CDC14B: variants seen among roughly 807,000 people sequenced by gnomAD.
CDC14B encodes the protein cell division cycle 14B.
In CDC14B, 22 loss-of-function variants were observed where a neutral mutation model predicts 64.2. The observed-to-expected ratio is 0.34, with a 90% CI of 0.24 to 0.49. CDC14B has a LOEUF of 0.49. Among genes scored for constraint, CDC14B ranks in the 20% least tolerant of loss-of-function variants. The pLI is 0.99. For missense variants in CDC14B, 498 were observed against 629.9 expected (o/e 0.79, Z 2.24); for synonymous variants, 191 against 215.8 (o/e 0.89, Z 1.01).
At chr9:96,602,607 T>C (rs1045619897) in intron 1 of CDC14B, among the ~76,000 whole-genome samples, 2 of 151,668 alleles carry the variant, frequency 1.3e-5, no homozygotes, top group African/African-American at 4.9e-5. Flanking sequence ...ATGAGACTTA[T>C]TCACTATCAT....
rs1364271166 is a variant in CDC14B, at chr9:96,502,071, C to G, written c.*1682G>C. On this transcript the variant is annotated 3_prime_UTR_variant, in exon 14 of 14. Transcript: ENST00000375241. Reference sequence around the variant, plus strand: ...GGAATGTTCCTCCTCCCACCCAAATCTTATTGAAGAGTAGTCTGCCCACAG... The same window carrying G: ...GGAATGTTCCTCCTCCCACCCAAATGTTATTGAAGAGTAGTCTGCCCACAG... 1 of 152,166 alleles carries G rather than the reference C, an allele frequency of 6.6e-6. No individual in the cohort carries two copies. The highest frequency in any genetic ancestry group is 6.5e-5 in the Admixed American group (1 of 15,280). 9.4% of individuals were successfully genotyped at this position (152,166 alleles called of 1,614,324 possible).
intron 1 of CDC14B, among the ~76,000 whole-genome samples, chr9:96,581,005 G>A (rs929265841): frequency 6.6e-6 from 1 of 152,158 alleles, no homozygotes; most frequent in Non-Finnish European, 1.5e-5. Flanking sequence ...GCAGAGGCGG[G>A]TGGATCACAA....
At chr9:96,524,480 A>C (rs1837268774) in intron 9 of CDC14B, among the ~76,000 whole-genome samples, 1 of 152,210 alleles carries the variant, frequency 6.6e-6, no homozygotes. Context: ...TCTGGTCTGT[A>C]ATACCCATTT....
intron 1 of CDC14B, among the ~76,000 whole-genome samples, chr9:96,597,515 A>G (rs1846165577): frequency 6.6e-6 from 1 of 151,934 alleles, no homozygotes; most frequent in African/African-American, 2.4e-5. Context: ...AAAAAAAAAA[A>G]AGACAGAAGA....
intron 3 of CDC14B, among the ~76,000 whole-genome samples, chr9:96,563,051 CA>C (rs1310527124): frequency 6.6e-6 from 1 of 152,180 alleles, no homozygotes; most frequent in East Asian, 1.9e-4. Context: ...TCTGAAAGAG[CA>C]AACCAAGAGT....
At chr9:96,551,901 A>G in intron 4 of CDC14B, 29 bp from the exon 5 acceptor site, 3 of 1,589,260 alleles carry the variant, frequency 1.9e-6, no homozygotes, top group Admixed American at 1.8e-5. Context: ...GAAAAAGGCA[A>G]TTTATTTCTA....
chr9:96,530,354 G>A (rs1287061889), intron 9 of CDC14B, among the ~76,000 whole-genome samples: 8 of 150,214 alleles, frequency 5.3e-5, no homozygotes, highest in Middle Eastern at 6.9e-3. Flanking sequence ...GTGCAGTGGC[G>A]AGATCTCAGC....
chr9:96,565,469 C>A lies in CDC14B; in HGVS notation c.175G>T (p.Ala59Ser). The change falls in exon 2 of 14, where the codon GCC becomes TCC. Residue 59 changes from alanine (A) to serine (S), a missense_variant. Coordinates refer to ENST00000375241, the MANE Select transcript of CDC14B (RefSeq NM_033331.4). ...CTCTTTGGTCTGCTGTAGAGAATGG[C>A]AAAACAAAGGCGATCTGAAATGGAA... ...YLDITDRLCFAILYSRPKSAS... is the reference protein window; with the variant it reads ...YLDITDRLCFSILYSRPKSAS... The A allele has an allele frequency of 6.2e-7, 1 of 1,610,176 alleles. No homozygotes were observed. Among genetic ancestry groups the A allele is most frequent in the East Asian group, 2.2e-5 (1 of 44,774 alleles).
At chr9:96,567,059 C>A in intron 1 of CDC14B, 1 of 1,086,942 alleles carries the variant, frequency 9.2e-7, no homozygotes, top group Non-Finnish European at 1.2e-6. Flanking sequence ...CACCCCGCCC[C>A]ACCTCCCGCT....
chr9:96,601,304 C>T (rs1420720513), intron 1 of CDC14B, among the ~76,000 whole-genome samples: 2 of 152,110 alleles, frequency 1.3e-5, no homozygotes, highest in African/African-American at 4.8e-5. Flanking sequence ...TGAGACCATC[C>T]TGGCCAACAT....
chr9:96,586,586 C>A (rs1264278053), intron 1 of CDC14B, among the ~76,000 whole-genome samples: 1 of 152,144 alleles, frequency 6.6e-6, no homozygotes, highest in African/African-American at 2.4e-5. Context: ...AGGTGTGCAC[C>A]ACCACACTCA....
At position 96,534,479 on chromosome 9, in the gene CDC14B, G is replaced by A; in HGVS notation, c.691C>T (p.His231Tyr). ...PDRFIAFCGP[H>Y]SRARLESGYH... The stretch of plus-strand genomic sequence containing the variant: ...CCACTTTCAAGTCTGGCTCTTGAAT[G>A]AGGTCCACAGAAGGCAATAAATCGG... Residue 231 changes from histidine to tyrosine, a missense_variant, in exon 8 of 14, where the codon CAT becomes TAT. Transcript: ENST00000375241. 2 of 1,611,670 alleles carry A rather than the reference G, an allele frequency of 1.2e-6. No homozygotes were observed. The highest frequency in any genetic ancestry group is 4.5e-5 in the East Asian group (2 of 44,850).
intron 9 of CDC14B, among the ~76,000 whole-genome samples, chr9:96,524,096 G>C (rs7041532): frequency 0.15 from 23,272 of 152,114 alleles, 5,930 homozygotes; most frequent in African/African-American, 0.53. Context: ...TGCCACCACA[G>C]CCGGCTAATG....
At chr9:96,579,568 G>C (rs567414886) in intron 1 of CDC14B, among the ~76,000 whole-genome samples, 88 of 149,898 alleles carry the variant, frequency 5.9e-4, no homozygotes, top group African/African-American at 1.9e-3. Context: ...CTGGGTGACA[G>C]AGCAAGACTC....
At chr9:96,556,635 A>G (rs533244310) in intron 4 of CDC14B, among the ~76,000 whole-genome samples, 2 of 152,296 alleles carry the variant, frequency 1.3e-5, no homozygotes, top group South Asian at 4.1e-4. Context: ...CGACAAAATG[A>G]AACTGGAAGT....
chr9:96,494,983 T>C (rs113552826), intron 13 of CDC14B, among the ~76,000 whole-genome samples: 7,793 of 151,460 alleles, frequency 0.051, 257 homozygotes, highest in Non-Finnish European at 0.08. Flanking sequence ...TACAGGTACC[T>C]GCCACCACGC....
intron 5 of CDC14B, among the ~76,000 whole-genome samples, chr9:96,542,872 G>A (rs1163647281): frequency 1.3e-5 from 2 of 151,852 alleles, no homozygotes; most frequent in African/African-American, 2.4e-5. Context: ...AGCCAGGCAC[G>A]GTGGTGGGCG....
intron 5 of CDC14B, 83 bp downstream of exon 5, chr9:96,551,713 T>G: frequency 1.9e-6 from 3 of 1,551,838 alleles, no homozygotes; most frequent in Non-Finnish European, 2.6e-6. Flanking sequence ...ATTTACCAGA[T>G]CTTCTTTTTT....
intron 4 of CDC14B, among the ~76,000 whole-genome samples, chr9:96,555,749 T>C (rs1386178828): frequency 6.6e-6 from 1 of 152,168 alleles, no homozygotes; most frequent in Non-Finnish European, 1.5e-5. Context: ...AATACTGTGG[T>C]TGAAAATGCT....
Sources: allele counts gnomAD v4.1 joint callset (sites outside exome capture counted in the v4.1 genomes callset), GRCh38; gene constraint gnomAD v4.1.1; transcripts MANE v1.5; gene names NCBI Gene and HGNC (gene_info 2026-07-23, HGNC 2026-07-21).